The following PRKCQ variants were observed in gnomAD, a reference collection of about 807,000 sequenced individuals.
PRKCQ encodes protein kinase C theta type.
A neutral mutation model predicts 91.2 loss-of-function variants in PRKCQ; 41 were observed. The observed-to-expected ratio is 0.45, with a 90% CI of 0.35 to 0.58. The LOEUF (loss-of-function observed/expected upper bound fraction) is 0.58, where lower values mean the gene tolerates loss of function less well. PRKCQ is among the 20% of genes least tolerant of loss of function. The pLI is 0.00. For synonymous variants in PRKCQ, 307 were observed against 316.9 expected (o/e 0.97, Z 0.33); for missense variants, 673 against 896.5 (o/e 0.75, Z 3.18).
chr10:6,503,774 A>T (rs1030723335), intron 4 of PRKCQ, among the ~76,000 whole-genome samples: 4 of 151,934 alleles, frequency 2.6e-5, no homozygotes, highest in Middle Eastern at 3.2e-3. Context: ...TTTAAGGATT[A>T]ATTATTATTA....
intron 1 of PRKCQ, among the ~76,000 whole-genome samples, chr10:6,543,342 C>A (rs1371710412): frequency 6.6e-6 from 1 of 152,194 alleles, no homozygotes; most frequent in South Asian, 2.1e-4. Context: ...TTCAGCTGAG[C>A]GCAGTCTGGT....
intron 13 of PRKCQ, among the ~76,000 whole-genome samples, chr10:6,463,628 G>A (rs765244854): frequency 6.6e-6 from 1 of 152,180 alleles, no homozygotes; most frequent in Non-Finnish European, 1.5e-5. Context: ...CACTCAAAGT[G>A]TTCATGCAGA....
chr10:6,466,609 G>A (rs1180413092), intron 12 of PRKCQ, among the ~76,000 whole-genome samples: 1 of 152,228 alleles, frequency 6.6e-6, no homozygotes, highest in Non-Finnish European at 1.5e-5. Context: ...ACAGTCCAGA[G>A]GTTTGGATTT....
At chr10:6,569,947 T>TA (rs1840975063) in intron 1 of PRKCQ, among the ~76,000 whole-genome samples, 1 of 151,620 alleles carries the variant, frequency 6.6e-6, no homozygotes, top group Non-Finnish European at 1.5e-5. Context: ...AGGAGATAGG[T>TA]ATGGAGGCTG....
intron 4 of PRKCQ, among the ~76,000 whole-genome samples, chr10:6,500,124 G>A (rs1275902480): frequency 2.0e-5 from 3 of 152,178 alleles, no homozygotes; most frequent in Admixed American, 1.3e-4. Context: ...CTTGGTAAAT[G>A]AGGGGTTAAA....
chr10:6,494,186 A>G (rs1463379489), intron 7 of PRKCQ, among the ~76,000 whole-genome samples: 1 of 152,110 alleles, frequency 6.6e-6, no homozygotes, highest in Non-Finnish European at 1.5e-5. Context: ...CTCCACACCC[A>G]TCCCCATCAG....
the PRKCQ span, among the ~76,000 whole-genome samples, chr10:6,398,336 T>G: frequency 6.6e-6 from 1 of 152,238 alleles, no homozygotes; most frequent in Non-Finnish European, 1.5e-5. Context: ...AACTTAGTTC[T>G]TCAAAAGATG....
chr10:6,508,237 G>A (rs596866), intron 3 of PRKCQ, among the ~76,000 whole-genome samples: 114,338 of 152,134 alleles, frequency 0.75, 43,596 homozygotes, highest in Admixed American at 0.85. Context: ...CAAGCTGAGC[G>A]CTGTTGTTAA....
At chr10:6,549,965 G>C (rs919745519) in intron 1 of PRKCQ, among the ~76,000 whole-genome samples, 1 of 152,028 alleles carries the variant, frequency 6.6e-6, no homozygotes, top group Non-Finnish European at 1.5e-5. Context: ...TCAATGTATA[G>C]TTCAGCAGTG....
intron 8 of PRKCQ, among the ~76,000 whole-genome samples, chr10:6,489,681 A>G (rs1837167974): frequency 6.6e-6 from 1 of 151,952 alleles, no homozygotes; most frequent in African/African-American, 2.4e-5. Flanking sequence ...GGAGTGTCAG[A>G]AGCAAGAATG....
At chr10:6,442,975 A>T (rs940004006) in intron 15 of PRKCQ, among the ~76,000 whole-genome samples, 14 of 152,218 alleles carry the variant, frequency 9.2e-5, no homozygotes, top group African/African-American at 3.4e-4. Context: ...AAACAAAAAA[A>T]ACCCCAAAGC....
chr10:6,454,335 A>G lies in PRKCQ; in HGVS notation c.1647+2339T>C, dbSNP rs994323781. Among the ~76,000 whole-genome samples, 5 of 152,168 alleles carry G rather than the reference A, an allele frequency of 3.3e-5. No individual in the cohort carries two copies. The East Asian group carries it at 9.6e-4, about 29-fold the overall frequency. ...AGGGTGTCACCAAGAGCCAGGCAAGAGATGCTCATGTTCTGCACTAGGGTA... is the reference window on the plus strand; with the variant it reads ...AGGGTGTCACCAAGAGCCAGGCAAGGGATGCTCATGTTCTGCACTAGGGTA... On this transcript the variant is annotated intron_variant, in intron 15 of 17. Transcript: ENST00000263125.
intron 1 of PRKCQ, among the ~76,000 whole-genome samples, chr10:6,555,933 C>A (rs184168566): frequency 7.9e-5 from 12 of 152,140 alleles, no homozygotes; most frequent in African/African-American, 2.9e-4. Flanking sequence ...CGCTTGAAAC[C>A]GGGAGGCAGA....
intron 3 of PRKCQ, among the ~76,000 whole-genome samples, chr10:6,510,293 A>G (rs184067349): frequency 5.3e-5 from 8 of 152,282 alleles, no homozygotes; most frequent in Admixed American, 2.6e-4. Context: ...ATTTACTACC[A>G]TAATCCAGGT....
chr10:6,478,221 G>T (rs1833053715), intron 12 of PRKCQ, among the ~76,000 whole-genome samples: 1 of 152,170 alleles, frequency 6.6e-6, no homozygotes, highest in African/African-American at 2.4e-5. Context: ...TATTTACAGT[G>T]GGTTGCTATT....
intron 1 of PRKCQ, among the ~76,000 whole-genome samples, chr10:6,577,283 T>C (rs1841278072): frequency 6.6e-6 from 1 of 152,232 alleles, no homozygotes; most frequent in African/African-American, 2.4e-5. Context: ...ATGCTTGGCA[T>C]GTTAAAATAA....
At chr10:6,438,994 G>A (rs1833833882) in intron 16 of PRKCQ, among the ~76,000 whole-genome samples, 1 of 152,232 alleles carries the variant, frequency 6.6e-6, no homozygotes. Context: ...ATTCTTCTAT[G>A]TATTTAGCAT....
In PRKCQ at chr10:6,442,057, G is replaced by A. The variant is rs770899454; in HGVS notation, c.1672C>T (p.His558Tyr). The A allele has an allele frequency of 1.1e-5, 17 of 1,613,416 alleles. No individual in the cohort carries two copies. Among genetic ancestry groups the A allele is most frequent in the Non-Finnish European group, 1.4e-5 (17 of 1,179,480 alleles). The change falls in exon 16 of 18, where the codon CAC becomes TAC. Residue 558 changes from histidine (H) to tyrosine (Y), a missense_variant. Transcript: ENST00000263125. Reference protein sequence around the residue: ...PEILLGQKYNHSVDWWSFGVL... With the variant: ...PEILLGQKYNYSVDWWSFGVL... ...CCGAAGGACCACCAGTCCACAGAGTGGTTGTATTTCTGACCCAGCAAGATC... is the reference window on the plus strand; with the variant it reads ...CCGAAGGACCACCAGTCCACAGAGTAGTTGTATTTCTGACCCAGCAAGATC...
the PRKCQ span, among the ~76,000 whole-genome samples, chr10:6,418,956 TATCTATC>T: frequency 2.6e-4 from 1 of 3,846 alleles, no homozygotes; most frequent in Non-Finnish European, 6.0e-4. Context: ...TCTTATCTAA[TATCTATC>T]TATCTATCTA....
Sources: gnomAD v4.1 joint callset for allele counts (sites outside exome capture counted in the v4.1 genomes callset) on GRCh38, gnomAD v4.1.1 for gene constraint, MANE v1.5 for transcripts, NCBI Gene and HGNC (gene_info 2026-07-23, HGNC 2026-07-21) for gene names.